Variants in DTD1 observed in about 807,000 individuals in gnomAD.
DTD1 encodes the protein D-aminoacyl-tRNA deacylase 1, also known as D-tyrosyl-tRNA deacylase 1 homolog.
A neutral mutation model predicts 25.6 loss-of-function variants in DTD1; 13 were observed. The ratio of observed to expected loss-of-function variants is 0.51; its 90% CI spans 0.33 to 0.81. DTD1 has a LOEUF of 0.81. DTD1 is among the 30% of genes least tolerant of loss of function. The pLI is 0.02. For synonymous variants in DTD1, 110 were observed against 103.6 expected, an observed-to-expected ratio of 1.06 and a Z score of -0.37; for missense variants, 193 against 266.4, an observed-to-expected ratio of 0.72 and a Z score of 1.92.
chr20:18,705,642 G>C (rs956899289), intron 4 of DTD1, among the ~76,000 whole-genome samples: 1 of 152,078 alleles, frequency 6.6e-6, no homozygotes, highest in African/African-American at 2.4e-5. Flanking sequence ...AGAGGCAGAG[G>C]CCTCAGTGGG....
At chr20:18,728,534 T>C (rs2122501909) in intron 4 of DTD1, among the ~76,000 whole-genome samples, 1 of 152,288 alleles carries the variant, frequency 6.6e-6, no homozygotes, top group Admixed American at 6.5e-5. Context: ...AGATCTGCCA[T>C]TGCTGCTCCC....
chr20:18,678,906 TCTC>T (rs1187447471), intron 4 of DTD1: 1 of 152,236 alleles, frequency 6.6e-6, no homozygotes, highest in Non-Finnish European at 1.5e-5. Flanking sequence ...ACACAGGCCT[TCTC>T]CTCACTCTTC....
chr20:18,735,159 A>G lies in DTD1; in HGVS notation c.478-8941A>G, dbSNP rs186799980. Among the ~76,000 whole-genome samples, 104 of 152,386 alleles carry G rather than the reference A, an allele frequency of 6.8e-4. 2 individuals carry two copies. The highest frequency in any genetic ancestry group is 6.5e-3 in the Admixed American group (99 of 15,312). On this transcript the variant is annotated intron_variant, in intron 4 of 5. Transcript: ENST00000377452. ...GTCTACATTATGATCTATAAAAATC[A>G]TAGTAACTGACTTTGTGGGATTTGA... is the stretch of plus-strand genomic sequence containing the variant.
chr20:18,634,067 T>G (rs1160688035), intron 4 of DTD1, among the ~76,000 whole-genome samples: 7 of 152,272 alleles, frequency 4.6e-5, no homozygotes, highest in African/African-American at 1.7e-4. Flanking sequence ...TTTTGCCTGG[T>G]GCATTTTTTG....
intron 4 of DTD1, among the ~76,000 whole-genome samples, chr20:18,648,262 C>T (rs895457401): frequency 4.6e-5 from 7 of 152,176 alleles, no homozygotes; most frequent in Non-Finnish European, 7.3e-5. Flanking sequence ...ACCTAAGCCA[C>T]TGGTTTTCAA....
rs6112069 is a variant in DTD1, at chr20:18,694,751, G to T, written c.478-49349G>T. On this transcript the variant is annotated intron_variant, in intron 4 of 5. Coordinates refer to ENST00000377452, the MANE Select transcript of DTD1 (RefSeq NM_080820.6). ...GACTCCTACTTTTTTTTATATACAG[G>T]TCACAAATTGCATTTATTTGTAGAC... 9.4e-3 allele frequency among the ~76,000 whole-genome samples: 1,427 copies of T among 152,112 alleles called. 20 individuals carry two copies. Among genetic ancestry groups the T allele is most frequent in the African/African-American group, 0.032 (1,309 of 41,482 alleles).
intron 4 of DTD1, among the ~76,000 whole-genome samples, chr20:18,715,143 G>C (rs1423831112): frequency 6.6e-6 from 1 of 152,134 alleles, no homozygotes; most frequent in Non-Finnish European, 1.5e-5. Context: ...TGTCATCCCT[G>C]AGTCCTAAGT....
At chr20:18,684,446 C>G (rs560496388) in intron 4 of DTD1, among the ~76,000 whole-genome samples, 21 of 152,124 alleles carry the variant, frequency 1.4e-4, no homozygotes, top group African/African-American at 4.6e-4. Flanking sequence ...GCCATCATAC[C>G]CAGCTAATTT....
At chr20:18,752,738 T>G (rs769006862) in intron 5 of DTD1, among the ~76,000 whole-genome samples, 4 of 152,218 alleles carry the variant, frequency 2.6e-5, no homozygotes. Flanking sequence ...CTGTATGGCT[T>G]TCAGTACATT....
intron 4 of DTD1, among the ~76,000 whole-genome samples, chr20:18,688,603 A>G (rs1180033925): frequency 2.6e-5 from 4 of 152,148 alleles, no homozygotes; most frequent in Admixed American, 1.3e-4. Context: ...CTTTGGGGGC[A>G]TAAACTATTA....
In DTD1 at chr20:18,741,451, C is replaced by T. The variant is rs537616295; in HGVS notation, c.478-2649C>T. 5.0e-4 allele frequency among the ~76,000 whole-genome samples: 76 copies of T among 152,298 alleles called. No homozygotes were observed. In the South Asian group the frequency reaches 0.016, roughly 31 times the overall value. ...TTGTGGAGTGCACTGATTAGTAACT[C>T]TGCTCTAGATCTGGTTTTGTTCTTA... is the stretch of plus-strand genomic sequence containing the variant. On this transcript the variant is annotated intron_variant, in intron 4 of 5. Transcript: ENST00000377452.
intron 4 of DTD1, among the ~76,000 whole-genome samples, chr20:18,731,036 A>G (rs2061237797): frequency 1.3e-5 from 2 of 152,118 alleles, no homozygotes; most frequent in African/African-American, 4.8e-5. Context: ...CTGCCTGTCC[A>G]CTTGCATTTA....
At chr20:18,606,567 G>A (rs2060659295) in intron 3 of DTD1, among the ~76,000 whole-genome samples, 2 of 102,208 alleles carry the variant, frequency 2.0e-5, no homozygotes, top group South Asian at 3.0e-4. Flanking sequence ...AGAAAATGTG[G>A]CACATATATA....
At chr20:18,692,654 C>T (rs558428287) in intron 4 of DTD1, among the ~76,000 whole-genome samples, 1 of 152,310 alleles carries the variant, frequency 6.6e-6, no homozygotes, top group Middle Eastern at 3.4e-3. Context: ...GGAGGAGCCC[C>T]ACTGACTGCC....
At chr20:18,686,838 A>G (rs1313927818) in intron 4 of DTD1, among the ~76,000 whole-genome samples, 3 of 152,146 alleles carry the variant, frequency 2.0e-5, no homozygotes, top group Admixed American at 6.5e-5. Context: ...CTCAAAGACC[A>G]GGTTAGAGCA....
intron 4 of DTD1, among the ~76,000 whole-genome samples, chr20:18,663,448 A>G (rs2060919338): frequency 6.6e-6 from 1 of 152,252 alleles, no homozygotes; most frequent in Admixed American, 6.5e-5. Flanking sequence ...TTAATTTAAT[A>G]GATCAAATTA....
chr20:18,708,297 A>AT (rs1491282962), intron 4 of DTD1, among the ~76,000 whole-genome samples: 15 of 38,648 alleles, frequency 3.9e-4, no homozygotes, highest in African/African-American at 1.5e-3. Flanking sequence ...ATATATATAT[A>AT]ATATATATAT....
rs1451401467 is a variant in DTD1, at chr20:18,626,237, G to A, written c.371-1890G>A. The stretch of plus-strand genomic sequence containing the variant: ...CTGTCCTGTTGCACCAGAACAAACT[G>A]GGGCCCGGAGAGGTGGTGTGAGCCT... On this transcript the variant is annotated intron_variant, in intron 3 of 5. Coordinates refer to ENST00000377452, the MANE Select transcript of DTD1 (RefSeq NM_080820.6). 2.6e-5 allele frequency among the ~76,000 whole-genome samples: 4 copies of A among 152,204 alleles called. No homozygotes were observed. The East Asian group carries it at 5.8e-4, about 22-fold the overall frequency.
At chr20:18,722,576 G>A (rs1017322852) in intron 4 of DTD1, among the ~76,000 whole-genome samples, 1 of 152,218 alleles carries the variant, frequency 6.6e-6, no homozygotes, top group Admixed American at 6.5e-5. Flanking sequence ...GATGGAATGT[G>A]TTTTTTATTG....
Sources: gnomAD v4.1 joint callset for allele counts (sites outside exome capture counted in the v4.1 genomes callset) on GRCh38, gnomAD v4.1.1 for gene constraint, MANE v1.5 for transcripts, NCBI Gene and HGNC (gene_info 2026-07-23, HGNC 2026-07-21) for gene names.